STARD13: variants seen among roughly 807,000 people sequenced by gnomAD.
STARD13 encodes StAR related lipid transfer domain containing 13.
STARD13 carries 62 observed loss-of-function variants against 106.4 expected under a neutral mutation model. The observed-to-expected ratio is 0.58, with a 90% CI of 0.48 to 0.72. The LOEUF (loss-of-function observed/expected upper bound fraction) is 0.72. STARD13 is among the 30% of genes least tolerant of loss of function. The pLI, the probability that STARD13 is intolerant of heterozygous loss-of-function variation, is 0.00. For missense variants in STARD13, 1,387 were observed against 1,424.0 expected (o/e 0.97, Z 0.42); for synonymous variants, 565 against 553.0 (o/e 1.02, Z -0.31).
chr13:33,111,613 C>T (rs1227531829), intron 10 of STARD13, among the ~76,000 whole-genome samples, 165 bp downstream of exon 10: 5 of 152,224 alleles, frequency 3.3e-5, no homozygotes, highest in Non-Finnish European at 5.9e-5. Flanking sequence ...AATTGTATAG[C>T]TAGCTCCTCA....
intron 1 of STARD13, among the ~76,000 whole-genome samples, chr13:33,328,373 G>T (rs896450448): frequency 1.3e-4 from 20 of 152,162 alleles, no homozygotes; most frequent in Admixed American, 7.2e-4. Flanking sequence ...TTATAAAATG[G>T]GTATGTTAAT....
At chr13:33,182,182 G>T (rs536189250) in intron 1 of STARD13, among the ~76,000 whole-genome samples, 1 of 152,256 alleles carries the variant, frequency 6.6e-6, no homozygotes, top group Admixed American at 6.5e-5. Context: ...TATGCAAGGA[G>T]ATCTGACATT....
chr13:33,457,417 T>G, the STARD13 span, among the ~76,000 whole-genome samples: 1 of 152,192 alleles, frequency 6.6e-6, no homozygotes, highest in African/African-American at 2.4e-5. Context: ...GAAAAGAACT[T>G]TCGTTTACAA....
chr13:33,671,416 C>T, the STARD13 span, among the ~76,000 whole-genome samples: 2 of 152,170 alleles, frequency 1.3e-5, no homozygotes, highest in African/African-American at 4.8e-5. Flanking sequence ...TTCATTATTT[C>T]CCAGTAAAAT....
chr13:33,391,632 A>G, the STARD13 span, among the ~76,000 whole-genome samples: 4 of 152,176 alleles, frequency 2.6e-5, no homozygotes, highest in Non-Finnish European at 5.9e-5. Flanking sequence ...TGGAAGAAGG[A>G]GTGTTTTGGT....
intron 1 of STARD13, among the ~76,000 whole-genome samples, chr13:33,310,596 C>T (rs1050192180): frequency 1.3e-5 from 2 of 152,060 alleles, no homozygotes; most frequent in African/African-American, 4.8e-5. Context: ...CATTAATATT[C>T]TGAACTTTTT....
At chr13:33,151,349 A>T (rs1336981218) in intron 3 of STARD13, among the ~76,000 whole-genome samples, 1 of 152,192 alleles carries the variant, frequency 6.6e-6, no homozygotes, top group Non-Finnish European at 1.5e-5. Context: ...TCTTACCATG[A>T]CAGCAGAAGG....
At chr13:33,308,784 G>A (rs183041580) in intron 1 of STARD13, among the ~76,000 whole-genome samples, 25 of 151,984 alleles carry the variant, frequency 1.6e-4, no homozygotes, top group Admixed American at 1.2e-3. Flanking sequence ...TTGGCCTCCC[G>A]AAGTGCTGGG....
chr13:33,343,577 T>TAA (rs1292508834), intron 1 of STARD13, among the ~76,000 whole-genome samples: 7 of 37,112 alleles, frequency 1.9e-4, no homozygotes, highest in Admixed American at 1.2e-3. Flanking sequence ...GACCCTGTCT[T>TAA]AAAAAAAAAA....
At chr13:33,265,409 A>G (rs779773526) in intron 1 of STARD13, among the ~76,000 whole-genome samples, 5 of 152,184 alleles carry the variant, frequency 3.3e-5, no homozygotes, top group African/African-American at 4.8e-5. Flanking sequence ...AACAATATGA[A>G]CAGGTGTCCT....
rs535327210 is a variant in STARD13, at chr13:33,165,466, G to A, written c.242-48C>T. ...TTGATGTACTTTGTTTTATCTGAATGAGCACCAACATATTCAGACCTTCAA... is the reference window on the plus strand; with the variant it reads ...TTGATGTACTTTGTTTTATCTGAATAAGCACCAACATATTCAGACCTTCAA... On this transcript the variant is annotated intron_variant, in intron 2 of 13. Transcript: ENST00000336934. The A allele has an allele frequency of 3.6e-6, 5 of 1,393,660 alleles. No individual in the cohort carries two copies. The East Asian group carries it at 9.1e-5, about 25-fold the overall frequency. The allele number at this position is 1,393,660 out of a possible 1,614,324, so 86.3% of individuals were successfully genotyped here. A position where few individuals can be genotyped will look rare whatever the true frequency, so the allele number is the denominator to read the frequency against.
chr13:33,627,349 A>T, the STARD13 span, among the ~76,000 whole-genome samples: 1 of 152,162 alleles, frequency 6.6e-6, no homozygotes, highest in Admixed American at 6.5e-5. Context: ...CATATGTATT[A>T]TGTCCTTGGC....
chr13:33,648,797 T>TC, the STARD13 span, among the ~76,000 whole-genome samples: 1 of 144,228 alleles, frequency 6.9e-6, no homozygotes, highest in Admixed American at 6.8e-5. Flanking sequence ...TTTTTTTTTT[T>TC]TTTTTTTTTT....
At chr13:33,336,184 T>C (rs1402342778) in intron 1 of STARD13, 1 of 152,264 alleles carries the variant, frequency 6.6e-6, no homozygotes, top group African/African-American at 2.4e-5. Flanking sequence ...CAGAGTGATC[T>C]TATAGCTTAA....
At chr13:33,319,656 T>C (rs996100728) in intron 1 of STARD13, among the ~76,000 whole-genome samples, 5 of 152,166 alleles carry the variant, frequency 3.3e-5, no homozygotes, top group South Asian at 4.1e-4. Flanking sequence ...ACCTGCCACA[T>C]CCCTGTTACC....
the STARD13 span, among the ~76,000 whole-genome samples, chr13:33,613,726 G>A: frequency 3.3e-5 from 5 of 152,214 alleles, no homozygotes; most frequent in African/African-American, 4.8e-5. Context: ...TGAGCATAAA[G>A]TGATTTCAGT....
chr13:33,431,262 T>C, the STARD13 span, among the ~76,000 whole-genome samples: 51 of 152,174 alleles, frequency 3.4e-4, no homozygotes, highest in African/African-American at 1.1e-3. Context: ...AATTAAGATG[T>C]GCTGTTAAGT....
intron 7 of STARD13, among the ~76,000 whole-genome samples, chr13:33,125,604 A>T (rs1161004027): frequency 2.6e-5 from 4 of 152,192 alleles, no homozygotes; most frequent in Admixed American, 2.0e-4. Flanking sequence ...AAAAGATGTA[A>T]ATAAATCTGT....
chr13:33,593,124 T>C, the STARD13 span, among the ~76,000 whole-genome samples: 1 of 152,208 alleles, frequency 6.6e-6, no homozygotes, highest in Admixed American at 6.5e-5. Flanking sequence ...TTATGTCAAT[T>C]CAGCCAGATT....
Sources: gnomAD v4.1 joint callset for allele counts (sites outside exome capture counted in the v4.1 genomes callset) on GRCh38, gnomAD v4.1.1 for gene constraint, MANE v1.5 for transcripts, NCBI Gene and HGNC (gene_info 2026-07-23, HGNC 2026-07-21) for gene names.